Variants in SIK3 observed in about 807,000 individuals in gnomAD.
SIK3 encodes the protein SIK family kinase 3, also known as serine/threonine-protein kinase SIK3.
A neutral mutation model predicts 144.2 loss-of-function variants in SIK3; 28 were observed. The observed-to-expected ratio is 0.19, with a 90% CI of 0.14 to 0.27. The LOEUF (loss-of-function observed/expected upper bound fraction) is 0.27. SIK3 is among the 10% of genes least tolerant of loss of function. SIK3 has a pLI of 1.00. For missense variants in SIK3, 1,319 were observed against 1,776.0 expected (o/e 0.74, Z 4.62); for synonymous variants, 686 against 676.3 (o/e 1.01, Z -0.22).
chr11:116,974,937 A>G (rs2135483097), intron 1 of SIK3, among the ~76,000 whole-genome samples: 1 of 152,300 alleles, frequency 6.6e-6, no homozygotes, highest in South Asian at 2.1e-4. Flanking sequence ...ACTTAGCCTA[A>G]GTTTTCTGGT....
chr11:116,970,006 T>G (rs1949710484), intron 1 of SIK3, among the ~76,000 whole-genome samples: 1 of 152,222 alleles, frequency 6.6e-6, no homozygotes, highest in Non-Finnish European at 1.5e-5. Context: ...CTGGGCACAG[T>G]GGCTCACACC....
At chr11:117,075,546 C>A (rs79350762) in intron 1 of SIK3, among the ~76,000 whole-genome samples, 1 of 134,132 alleles carries the variant, frequency 7.5e-6, no homozygotes, top group Non-Finnish European at 1.6e-5. Flanking sequence ...ATTTTTTTTT[C>A]TTTTTTTTTT....
At chr11:116,882,464 G>A (rs2134626984) in intron 6 of SIK3, among the ~76,000 whole-genome samples, 1 of 152,276 alleles carries the variant, frequency 6.6e-6, no homozygotes, top group East Asian at 1.9e-4. Context: ...ATGAAGGAGG[G>A]AAAGCCATTT....
At position 116,849,346 on chromosome 11, in the gene SIK3, A is replaced by G. The variant is rs1942248773; in HGVS notation, c.3656-63T>C. On this transcript the variant is annotated intron_variant, in intron 21 of 24. Transcript: ENST00000445177. The surrounding 1 kb of genome is among the most constrained non-coding windows in gnomAD (Gnocchi z 4.2). ...ACTTCTCCCAGCACTGGAAACTCCC[A>G]TCCAAGAAATGTCTTGCAAGGGACA... 6.3e-7 allele frequency: 1 copy of G among 1,593,018 alleles called. No homozygotes were observed. The highest frequency in any genetic ancestry group is 2.2e-5 in the East Asian group (1 of 44,616).
At chr11:117,009,832 A>G (rs1437576327) in intron 1 of SIK3, among the ~76,000 whole-genome samples, 3 of 152,158 alleles carry the variant, frequency 2.0e-5, no homozygotes, top group African/African-American at 7.2e-5. Flanking sequence ...CCTCAAAAAC[A>G]TTTCTTTCAG....
At chr11:117,003,342 GT>G (rs1168820802) in intron 1 of SIK3, among the ~76,000 whole-genome samples, 1 of 152,160 alleles carries the variant, frequency 6.6e-6, no homozygotes, top group Non-Finnish European at 1.5e-5. Flanking sequence ...GGCAGATCTG[GT>G]TTGGAATTCA....
intron 1 of SIK3, among the ~76,000 whole-genome samples, chr11:117,068,838 A>G (rs1954134286): frequency 1.3e-5 from 2 of 152,238 alleles, no homozygotes; most frequent in South Asian, 4.1e-4. Context: ...ACTATAAAAT[A>G]TGACATATAA....
At chr11:116,857,435 C>G (rs1390968445) in intron 21 of SIK3, 1 of 224,052 alleles carries the variant, frequency 4.5e-6, no homozygotes, top group African/African-American at 2.3e-5. Flanking sequence ...TTAAGGTGCT[C>G]TGACTCTTGT....
intron 1 of SIK3, among the ~76,000 whole-genome samples, chr11:116,974,721 T>C (rs1174741359): frequency 4.6e-5 from 7 of 152,342 alleles, no homozygotes; most frequent in Middle Eastern, 6.8e-3. Context: ...AAATGTATTA[T>C]TGAAGAATTT....
intron 4 of SIK3, among the ~76,000 whole-genome samples, chr11:116,907,665 G>T (rs1946115584): frequency 6.6e-6 from 1 of 151,944 alleles, no homozygotes; most frequent in Non-Finnish European, 1.5e-5. Flanking sequence ...CAAAAAACTT[G>T]CAAATTCCTT....
At chr11:116,925,673 A>C (rs1371189234) in intron 4 of SIK3, among the ~76,000 whole-genome samples, 1 of 152,258 alleles carries the variant, frequency 6.6e-6, no homozygotes, top group African/African-American at 2.4e-5. Context: ...TGTGAAGTTT[A>C]GTAGGTATTA....
chr11:116,914,206 ATTTTTTTTT>A (rs34155083), intron 4 of SIK3, among the ~76,000 whole-genome samples: 6 of 133,998 alleles, frequency 4.5e-5, no homozygotes. Context: ...CCCCTTCTCA[ATTTTTTTTT>A]TTTTTTTTTT....
Position 116,876,918 on chromosome 11 carries a change from G to C in SIK3, c.984+6C>G. 1 of 1,612,308 alleles carries C rather than the reference G, an allele frequency of 6.2e-7. No individual in the cohort carries two copies. Among genetic ancestry groups the C allele is most frequent in the Non-Finnish European group, 8.5e-7 (1 of 1,178,338 alleles). Reference sequence around the variant, plus strand: ...GAGTCCCCTGCAGCAGCGGTTCCCAGCTCACCCTGTCAAAGTTGGGATCGG... The same window carrying C: ...GAGTCCCCTGCAGCAGCGGTTCCCACCTCACCCTGTCAAAGTTGGGATCGG... On this transcript the variant is annotated splice_donor_region_variant and intron_variant, in intron 7 of 24. Coordinates refer to ENST00000445177, the MANE Select transcript of SIK3 (RefSeq NM_001366686.3).
At chr11:116,876,791 G>C in intron 7 of SIK3, 133 bp downstream of exon 7, 1 of 708,052 alleles carries the variant, frequency 1.4e-6, no homozygotes, top group Admixed American at 2.1e-5. Context: ...CTTGCTTCAC[G>C]TGCTGCTTTA....
chr11:116,937,127 TG>T (rs146497775), intron 3 of SIK3, among the ~76,000 whole-genome samples: 1 of 152,320 alleles, frequency 6.6e-6, no homozygotes, highest in East Asian at 1.9e-4. Flanking sequence ...TCCTAGCCCA[TG>T]GATTTTTGGT....
chr11:117,053,943 A>G (rs1953390031), intron 1 of SIK3, among the ~76,000 whole-genome samples: 1 of 151,798 alleles, frequency 6.6e-6, no homozygotes, highest in South Asian at 2.1e-4. Context: ...CACCACACCC[A>G]GCATTTTCTT....
chr11:116,848,934 G>A (rs1942209258), intron 22 of SIK3, among the ~76,000 whole-genome samples, 186 bp downstream of exon 22: 1 of 152,130 alleles, frequency 6.6e-6, no homozygotes, highest in Non-Finnish European at 1.5e-5. Flanking sequence ...CTGTCCTCCC[G>A]CCTGGGCGAC....
chr11:117,032,527 T>A (rs1419899534), intron 1 of SIK3, among the ~76,000 whole-genome samples: 1 of 152,182 alleles, frequency 6.6e-6, no homozygotes, highest in African/African-American at 2.4e-5. Context: ...AGAGACAAGG[T>A]CTTGCTCTGT....
At chr11:116,960,064 T>C (rs1487628546) in intron 1 of SIK3, among the ~76,000 whole-genome samples, 1 of 152,138 alleles carries the variant, frequency 6.6e-6, no homozygotes, top group Non-Finnish European at 1.5e-5. Flanking sequence ...AATAAATAAA[T>C]ACATACATAC....
Sources: gnomAD v4.1 joint callset for allele counts (sites outside exome capture counted in the v4.1 genomes callset) on GRCh38, gnomAD v4.1.1 for gene constraint, Gnocchi (gnomAD v3.1) non-coding constraint, MANE v1.5 for transcripts, NCBI Gene and HGNC (gene_info 2026-07-23, HGNC 2026-07-21) for gene names.